Variants in METTL15 observed in about 807,000 individuals in gnomAD.
METTL15 encodes the protein methyltransferase 15, mitochondrial 12S rRNA N4-cytidine.
In METTL15, 34 loss-of-function variants were observed where a neutral mutation model predicts 38.3. The observed-to-expected ratio is 0.89, with a 90% CI of 0.68 to 1.18. The LOEUF is 1.18. Ranked by LOEUF, METTL15 falls within the 50% of genes most tolerant of loss-of-function variation. The pLI, the probability that METTL15 is intolerant of heterozygous loss-of-function variation, is 0.00. For synonymous variants in METTL15, 162 were observed against 170.9 expected (o/e 0.95, Z 0.41); for missense variants, 438 against 498.4 (o/e 0.88, Z 1.15).
chr11:28,341,871 C>T (rs909446809), intron 3 of METTL15, among the ~76,000 whole-genome samples: 1 of 152,196 alleles, frequency 6.6e-6, no homozygotes, highest in African/African-American at 2.4e-5. Context: ...TCTATCACCA[C>T]ACCATCACCC....
intron 5 of METTL15, among the ~76,000 whole-genome samples, chr11:28,421,418 A>G (rs1236189964): frequency 1.3e-5 from 2 of 152,056 alleles, no homozygotes; most frequent in African/African-American, 4.8e-5. Context: ...AAAGAAAACT[A>G]TAGTTCAATA....
chr11:28,507,329 G>A (rs759554552), intron 6 of METTL15, among the ~76,000 whole-genome samples: 12 of 152,080 alleles, frequency 7.9e-5, no homozygotes, highest in Non-Finnish European at 1.5e-4. Flanking sequence ...GAAGGGGGTG[G>A]TGCTACACAC....
intron 6 of METTL15, chr11:28,328,308 C>T: frequency 1.5e-6 from 1 of 687,318 alleles, no homozygotes; most frequent in Admixed American, 3.7e-5. Context: ...AACCATCACA[C>T]TGATTTGGTT....
intron 6 of METTL15, among the ~76,000 whole-genome samples, chr11:28,313,125 A>G (rs1352117708): frequency 6.6e-6 from 1 of 152,150 alleles, no homozygotes; most frequent in Non-Finnish European, 1.5e-5. Flanking sequence ...ACCATTTACT[A>G]GCTTTGTGAA....
intron 3 of METTL15, among the ~76,000 whole-genome samples, chr11:28,194,178 C>CTTTCTTTCTTTCTTTTTT (rs1373046857): frequency 4.9e-4 from 6 of 12,264 alleles, no homozygotes; most frequent in Non-Finnish European, 8.4e-4. Context: ...CTTTCTTTTT[C>CTTTCTTTCTTTCTTTTTT]TCTCTCTCTC....
At chr11:28,308,748 C>T (rs1245967304) in intron 6 of METTL15, among the ~76,000 whole-genome samples, 2 of 151,852 alleles carry the variant, frequency 1.3e-5, no homozygotes, top group East Asian at 1.9e-4. Flanking sequence ...GTTTAGTTTC[C>T]CCAAATCTCC....
intron 6 of METTL15, among the ~76,000 whole-genome samples, chr11:28,470,963 A>T (rs1376945293): frequency 6.6e-6 from 1 of 152,058 alleles, no homozygotes; most frequent in Non-Finnish European, 1.5e-5. Context: ...CCCCGTGCTG[A>T]TTTTAGTGGC....
At chr11:28,145,592 C>G (rs1849853729) in intron 3 of METTL15, 1 of 151,966 alleles carries the variant, frequency 6.6e-6, no homozygotes, top group African/African-American at 2.4e-5. Context: ...TCTTTGTTTT[C>G]CCTGCAACGA....
At chr11:28,433,679 A>G (rs936013711) in intron 6 of METTL15, among the ~76,000 whole-genome samples, 1 of 152,170 alleles carries the variant, frequency 6.6e-6, no homozygotes, top group African/African-American at 2.4e-5. Context: ...CATGGAGCTT[A>G]GACTTTAGTA....
At chr11:28,429,977 G>A (rs1173182397) in intron 6 of METTL15, among the ~76,000 whole-genome samples, 4 of 113,194 alleles carry the variant, frequency 3.5e-5, no homozygotes, top group Non-Finnish European at 5.5e-5. Flanking sequence ...GCCGCCCATC[G>A]TCTGAGATGT....
chr11:28,246,057 C>T (rs958755560), intron 4 of METTL15, among the ~76,000 whole-genome samples: 2 of 151,734 alleles, frequency 1.3e-5, no homozygotes, highest in Admixed American at 6.6e-5. Context: ...GGCGAGGCGG[C>T]GATGAAAAGA....
At chr11:28,432,114 C>T (rs952783236) in intron 6 of METTL15, among the ~76,000 whole-genome samples, 3 of 152,120 alleles carry the variant, frequency 2.0e-5, no homozygotes, top group Admixed American at 1.3e-4. Flanking sequence ...CCTTTGTGTG[C>T]CATGCAAGGA....
intron 3 of METTL15, among the ~76,000 whole-genome samples, chr11:28,340,636 C>T (rs772692253): frequency 4.6e-5 from 7 of 152,172 alleles, no homozygotes; most frequent in Non-Finnish European, 1.0e-4. Context: ...CATCTCACGC[C>T]AGCTAGAATG....
chr11:28,423,729 T>C (rs903765313), intron 5 of METTL15, among the ~76,000 whole-genome samples: 1 of 151,470 alleles, frequency 6.6e-6, no homozygotes, highest in African/African-American at 2.4e-5. Flanking sequence ...GAATGGAGAG[T>C]AGTAGGGATA....
chr11:28,169,760 A>G (rs920435438), intron 3 of METTL15, among the ~76,000 whole-genome samples: 1 of 152,030 alleles, frequency 6.6e-6, no homozygotes, highest in African/African-American at 2.4e-5. Flanking sequence ...CAAAGTTAAT[A>G]TAAGCCTTTC....
chr11:28,308,933 T>TAGATAGGC (rs973297215), intron 6 of METTL15, among the ~76,000 whole-genome samples: 9 of 151,624 alleles, frequency 5.9e-5, no homozygotes, highest in Non-Finnish European at 1.2e-4. Context: ...GATAGATAGA[T>TAGATAGGC]AGGCAGGCAG....
At chr11:28,310,952 GGTGGTGGT>G (rs1857267327) in intron 6 of METTL15, among the ~76,000 whole-genome samples, 2 of 143,542 alleles carry the variant, frequency 1.4e-5, no homozygotes, top group African/African-American at 2.7e-5. Flanking sequence ...TGGTGGTGGT[GGTGGTGGT>G]GGTGGGTGTG....
At chr11:28,510,639 A>G (rs1223173159) in intron 6 of METTL15, among the ~76,000 whole-genome samples, 1 of 152,222 alleles carries the variant, frequency 6.6e-6, no homozygotes, top group Non-Finnish European at 1.5e-5. Flanking sequence ...TTCCAGTTTT[A>G]CAGGTAAGAG....
At chr11:28,488,798 T>C (rs946863897) in intron 6 of METTL15, among the ~76,000 whole-genome samples, 1 of 152,236 alleles carries the variant, frequency 6.6e-6, no homozygotes, top group Middle Eastern at 3.4e-3. Context: ...TTTGTGAACC[T>C]TCCTAGACCT....
Sources: allele counts gnomAD v4.1 joint callset (sites outside exome capture counted in the v4.1 genomes callset), GRCh38; gene constraint gnomAD v4.1.1; transcripts MANE v1.5; gene names NCBI Gene and HGNC (gene_info 2026-07-23, HGNC 2026-07-21).